The following WASF1 variants were observed in gnomAD, a reference collection of about 807,000 sequenced individuals.
WASF1 encodes the protein actin-binding protein WASF1.
WASF1 carries 7 observed loss-of-function variants against 50.5 expected under a neutral mutation model. That is an observed-to-expected ratio of 0.14 (90% CI 0.08 to 0.26). The LOEUF (loss-of-function observed/expected upper bound fraction) is 0.26, where lower values mean the gene tolerates loss of function less well. WASF1 is among the 10% of genes least tolerant of loss of function. The pLI is 1.00. For synonymous variants in WASF1, 205 were observed against 244.0 expected (o/e 0.84, Z 1.49); for missense variants, 470 against 694.7 (o/e 0.68, Z 3.64).
chr6:110,145,021 T>A (rs1269043920), intron 3 of WASF1, among the ~76,000 whole-genome samples: 1 of 152,216 alleles, frequency 6.6e-6, no homozygotes, highest in Admixed American at 6.5e-5. Context: ...TTGATGGGGA[T>A]GGCATTGAAT....
chr6:110,176,931 T>A (rs747723098), intron 2 of WASF1, among the ~76,000 whole-genome samples: 5 of 152,098 alleles, frequency 3.3e-5, no homozygotes, highest in Non-Finnish European at 7.4e-5. Flanking sequence ...TTGGTAAAAG[T>A]GCTAATAACA....
At chr6:110,133,379 CCTT>C (rs757170741) in intron 3 of WASF1, among the ~76,000 whole-genome samples, 7 of 151,454 alleles carry the variant, frequency 4.6e-5, no homozygotes, top group African/African-American at 7.3e-5. Flanking sequence ...TTATATAATG[CCTT>C]CTTTTCTTCT....
chr6:110,172,839 C>T (rs1724861081), intron 2 of WASF1, among the ~76,000 whole-genome samples: 1 of 151,970 alleles, frequency 6.6e-6, no homozygotes, highest in Non-Finnish European at 1.5e-5. Flanking sequence ...GTACAATGTA[C>T]ACTATACTAA....
At chr6:110,128,990 A>AC (rs1774540228) in intron 3 of WASF1, among the ~76,000 whole-genome samples, 2 of 150,504 alleles carry the variant, frequency 1.3e-5, no homozygotes, top group Middle Eastern at 3.4e-3. Context: ...CACTCCACAC[A>AC]CCCCCACCCC....
intron 3 of WASF1, among the ~76,000 whole-genome samples, chr6:110,140,921 A>G (rs768016117): frequency 2.0e-5 from 3 of 152,306 alleles, no homozygotes; most frequent in Middle Eastern, 3.4e-3. Context: ...GACCAATGAG[A>G]AGGAAGCATA....
intron 3 of WASF1, among the ~76,000 whole-genome samples, chr6:110,138,910 G>A (rs1246303875): frequency 5.9e-5 from 9 of 152,160 alleles, no homozygotes; most frequent in Non-Finnish European, 1.3e-4. Context: ...TTTCACTTGG[G>A]ACCCACCCTT....
At chr6:110,112,251 G>A (rs946787909) in intron 5 of WASF1, among the ~76,000 whole-genome samples, 1 of 151,564 alleles carries the variant, frequency 6.6e-6, no homozygotes, top group African/African-American at 2.4e-5. Flanking sequence ...ACTATTTAAT[G>A]CAACAAAAAT....
At chr6:110,153,384 G>C (rs1268149309) in intron 3 of WASF1, among the ~76,000 whole-genome samples, 2 of 152,048 alleles carry the variant, frequency 1.3e-5, no homozygotes, top group Non-Finnish European at 2.9e-5. Flanking sequence ...AAAATAACTA[G>C]CTGTACAATG....
In WASF1 at chr6:110,179,425, G is replaced by A. The variant is rs1584052639; in HGVS notation, c.-272+14C>T. ...CTCCCCGAAAAAAGCAATTCCTCAG[G>A]GACTCGCGCTCACCGTGAAATCTTG... On this transcript the variant is annotated intron_variant, in intron 1 of 10. Coordinates refer to ENST00000392589, the MANE Select transcript of WASF1 (RefSeq NM_003931.3). 1 of 152,340 alleles carries A rather than the reference G, an allele frequency of 6.6e-6. No homozygotes were observed. The highest frequency in any genetic ancestry group is 1.5e-5 in the Non-Finnish European group (1 of 68,286). The allele number at this position is 152,340 out of a possible 1,614,324, so 9.4% of individuals were successfully genotyped here. A position where few individuals can be genotyped will look rare whatever the true frequency, so the allele number is the denominator to read the frequency against.
At chr6:110,148,548 T>C (rs1775682479) in intron 3 of WASF1, among the ~76,000 whole-genome samples, 4 of 152,124 alleles carry the variant, frequency 2.6e-5, no homozygotes, top group Admixed American at 2.6e-4. Context: ...GGAATAATAA[T>C]GAGAGCAAGC....
intron 3 of WASF1, among the ~76,000 whole-genome samples, chr6:110,130,340 T>C (rs969265845): frequency 6.6e-5 from 10 of 152,216 alleles, no homozygotes; most frequent in African/African-American, 2.4e-4. Flanking sequence ...TTCCCATTCT[T>C]GCTTACCTCC....
chr6:110,119,134 C>T (rs1015295788), intron 4 of WASF1, among the ~76,000 whole-genome samples: 1 of 152,052 alleles, frequency 6.6e-6, no homozygotes, highest in Non-Finnish European at 1.5e-5. Context: ...ATTAAAAGAA[C>T]TAGAGAAGCA....
At chr6:110,139,992 T>C (rs17071278) in intron 3 of WASF1, among the ~76,000 whole-genome samples, 5,016 of 152,308 alleles carry the variant, frequency 0.033, 149 homozygotes, top group South Asian at 0.12. Flanking sequence ...CCACCCAATT[T>C]TCTGGGATAC....
intron 9 of WASF1, among the ~76,000 whole-genome samples, chr6:110,103,044 C>T (rs539484185): frequency 1.3e-5 from 2 of 152,258 alleles, no homozygotes; most frequent in East Asian, 1.9e-4. Context: ...TTGATAACAA[C>T]ACTATAATAA....
intron 2 of WASF1, among the ~76,000 whole-genome samples, chr6:110,176,712 T>C (rs1296904243): frequency 6.6e-6 from 1 of 152,122 alleles, no homozygotes; most frequent in Admixed American, 6.5e-5. Context: ...GACAATAAGC[T>C]GCAGGTCAGT....
chr6:110,146,997 A>C (rs1029243481), intron 3 of WASF1, among the ~76,000 whole-genome samples: 4 of 151,798 alleles, frequency 2.6e-5, no homozygotes, highest in Non-Finnish European at 4.4e-5. Context: ...CTCTTGGTTT[A>C]AAAAAAACTG....
intron 4 of WASF1, among the ~76,000 whole-genome samples, chr6:110,126,212 A>G (rs981378091): frequency 6.6e-6 from 1 of 152,160 alleles, no homozygotes; most frequent in East Asian, 1.9e-4. Flanking sequence ...AATCTGCAAA[A>G]TATCTTTAAA....
At chr6:110,154,174 C>T (rs1461040353) in intron 3 of WASF1, among the ~76,000 whole-genome samples, 1 of 152,052 alleles carries the variant, frequency 6.6e-6, no homozygotes, top group African/African-American at 2.4e-5. Flanking sequence ...AGTCTCTTTT[C>T]TCTAAGTTTA....
chr6:110,121,575 C>A (rs1774126381), intron 4 of WASF1, among the ~76,000 whole-genome samples: 1 of 152,214 alleles, frequency 6.6e-6, no homozygotes, highest in Non-Finnish European at 1.5e-5. Context: ...AACACTTTTA[C>A]ACTATTGGTG....
Sources: gnomAD v4.1 joint callset for allele counts (sites outside exome capture counted in the v4.1 genomes callset) on GRCh38, gnomAD v4.1.1 for gene constraint, MANE v1.5 for transcripts, NCBI Gene and HGNC (gene_info 2026-07-23, HGNC 2026-07-21) for gene names.